The following DCUN1D1 variants were observed in gnomAD, a reference collection of about 807,000 sequenced individuals.
DCUN1D1 encodes the protein defective in cullin neddylation 1 domain containing 1.
DCUN1D1 carries 3 observed loss-of-function variants against 39.0 expected under a neutral mutation model. The ratio of observed to expected loss-of-function variants is 0.08; its 90% CI spans 0.04 to 0.20. The LOEUF (loss-of-function observed/expected upper bound fraction) is 0.20. Ranked by LOEUF, DCUN1D1 falls within the 10% of genes least tolerant of loss-of-function variation. The pLI, the probability that DCUN1D1 is intolerant of heterozygous loss-of-function variation, is 1.00. For synonymous variants in DCUN1D1, 82 were observed against 96.3 expected (o/e 0.85, Z 0.87); for missense variants, 158 against 302.4 (o/e 0.52, Z 3.54).
At chr3:182,982,553 T>C (rs1210525521), upstream of DCUN1D1, among the ~76,000 whole-genome samples, 16 of 152,196 alleles carry the variant, frequency 1.1e-4, no homozygotes, top group Admixed American at 1.0e-3. Context: ...CCTCATCCCC[T>C]TACTCCGCAT....
chr3:182,985,912 T>G (rs1728717821), exon 1 of DCUN1D1: 1 of 152,222 alleles, frequency 6.6e-6, no homozygotes, highest in African/African-American at 2.4e-5. Context: ...CAGTAACAGC[T>G]AGGAGTGGAG....
At chr3:182,971,137 T>G (rs1353355290) in intron 1 of DCUN1D1, among the ~76,000 whole-genome samples, 1 of 152,166 alleles carries the variant, frequency 6.6e-6, no homozygotes, top group African/African-American at 2.4e-5. Context: ...CTGTATGACT[T>G]TGGGAAAATT....
intron 4 of DCUN1D1, among the ~76,000 whole-genome samples, chr3:182,948,847 A>C (rs1013417217): frequency 6.6e-6 from 1 of 152,064 alleles, no homozygotes; most frequent in Non-Finnish European, 1.5e-5. Context: ...AAGGAGTTCA[A>C]GACCAGCCTG....
intron 4 of DCUN1D1, among the ~76,000 whole-genome samples, chr3:182,949,832 T>A (rs891824993): frequency 6.6e-6 from 1 of 152,200 alleles, no homozygotes; most frequent in African/African-American, 2.4e-5. Context: ...TGATGGAGAC[T>A]ACATATTCCT....
chr3:182,940,050 GCT>G lies in DCUN1D1; in HGVS notation c.*5042_*5043del, dbSNP rs1726068442. 1 of 152,100 alleles carries G rather than the reference GCT, an allele frequency of 6.6e-6. No individual in the cohort carries two copies. The highest frequency in any genetic ancestry group is 1.5e-5 in the Non-Finnish European group (1 of 68,004). 9.4% of individuals were successfully genotyped at this position (152,100 alleles called of 1,614,324 possible). Reference sequence around the variant, plus strand: ...CTCTAAATCTTACTGATTAAATATTGCTCTTTTAGCTATAAGTCATGTAATTA... The same window carrying G: ...CTCTAAATCTTACTGATTAAATATTGCTTTTAGCTATAAGTCATGTAATTA... On this transcript the variant is annotated 3_prime_UTR_variant, in exon 7 of 7. Transcript: ENST00000292782.
intron 1 of DCUN1D1, among the ~76,000 whole-genome samples, chr3:182,967,924 A>G (rs553928423): frequency 4.6e-5 from 7 of 152,358 alleles, no homozygotes; most frequent in Non-Finnish European, 8.8e-5. Context: ...GTGACAGAGT[A>G]CCCTAACATG....
In DCUN1D1 at chr3:182,960,622, C is replaced by T. The variant is rs369653321; in HGVS notation, c.520+604G>A. Reference sequence around the variant, plus strand: ...ACTTTTATTATTTTGTAATTACCTACTAGCACTATCTAATCTTTTTAGGTA... The same window carrying T: ...ACTTTTATTATTTTGTAATTACCTATTAGCACTATCTAATCTTTTTAGGTA... On this transcript the variant is annotated intron_variant, in intron 4 of 6. Transcript: ENST00000292782. 1.3e-4 allele frequency among the ~76,000 whole-genome samples: 20 copies of T among 152,286 alleles called. No individual in the cohort carries two copies. The South Asian group carries it at 3.9e-3, about 30-fold the overall frequency.
intron 3 of DCUN1D1, among the ~76,000 whole-genome samples, chr3:182,963,109 C>G (rs945198230): frequency 6.6e-6 from 1 of 152,086 alleles, no homozygotes; most frequent in Admixed American, 6.6e-5. Flanking sequence ...CTTGACTGGA[C>G]GCTGACTGAC....
At chr3:182,955,423 A>C (rs9862457) in intron 4 of DCUN1D1, 10,309 of 540,664 alleles carry the variant, frequency 0.019, 822 homozygotes, top group African/African-American at 0.17. Flanking sequence ...ATTTTGCGCA[A>C]ACTTCAAGTT....
rs115465627 is a variant in DCUN1D1 at position 182,949,365 on chromosome 3, A to G, written c.521-1733T>C. On this transcript the variant is annotated intron_variant, in intron 4 of 6. Coordinates refer to ENST00000292782, the MANE Select transcript of DCUN1D1 (RefSeq NM_020640.4). ...GCAACAGAACAAGACTCCGTCTCAG[A>G]AACAAACAAAAAAGAGCAAACTTGA... 9.2e-3 allele frequency among the ~76,000 whole-genome samples: 1,401 copies of G among 152,108 alleles called. 22 individuals are homozygous for G. Among genetic ancestry groups the G allele is most frequent in the African/African-American group, 0.032 (1,339 of 41,490 alleles).
At chr3:182,949,285 C>T (rs1726582444) in intron 4 of DCUN1D1, among the ~76,000 whole-genome samples, 1 of 152,070 alleles carries the variant, frequency 6.6e-6, no homozygotes, top group Non-Finnish European at 1.5e-5. Context: ...ATTTCTTGAA[C>T]CTGGGAGGTG....
chr3:182,966,247 G>A (rs557061114), intron 1 of DCUN1D1, among the ~76,000 whole-genome samples: 7 of 152,282 alleles, frequency 4.6e-5, no homozygotes, highest in South Asian at 2.1e-4. Context: ...AGGATATGGC[G>A]TGGGAAGAGG....
At chr3:182,976,177 A>T (rs1398946195) in intron 1 of DCUN1D1, among the ~76,000 whole-genome samples, 1 of 152,182 alleles carries the variant, frequency 6.6e-6, no homozygotes, top group Non-Finnish European at 1.5e-5. Flanking sequence ...TGTACATAGA[A>T]GCTGCATGGT....
chr3:182,945,675 G>T (rs1726360890), intron 6 of DCUN1D1, among the ~76,000 whole-genome samples: 1 of 152,262 alleles, frequency 6.6e-6, no homozygotes, highest in African/African-American at 2.4e-5. Flanking sequence ...CAGTGCTGAA[G>T]GCATAGGAGG....
At position 182,946,279 on chromosome 3, in the gene DCUN1D1, T is replaced by G. The variant is rs562933985; in HGVS notation, c.700+959A>C. Among the ~76,000 whole-genome samples, 11 of 152,098 alleles carry G rather than the reference T, an allele frequency of 7.2e-5. No individual in the cohort carries two copies. The East Asian group carries it at 2.1e-3, about 29-fold the overall frequency. Reference sequence around the variant, plus strand: ...AAGTAAGTTTCAAAAAAAAATAGGCTGGGCGCAGTGGCTCATGCCTGTAAT... The same window carrying G: ...AAGTAAGTTTCAAAAAAAAATAGGCGGGGCGCAGTGGCTCATGCCTGTAAT... On this transcript the variant is annotated intron_variant, in intron 6 of 6. Transcript: ENST00000292782.
intron 1 of DCUN1D1, among the ~76,000 whole-genome samples, chr3:182,975,766 C>T (rs982185120): frequency 2.1e-5 from 3 of 145,898 alleles, no homozygotes; most frequent in Non-Finnish European, 4.5e-5. Flanking sequence ...AAGTGTGGAA[C>T]CAGAGACCAG....
At chr3:182,975,851 T>TAAAAAA (rs533263687) in intron 1 of DCUN1D1, among the ~76,000 whole-genome samples, 3 of 66,812 alleles carry the variant, frequency 4.5e-5, no homozygotes, top group African/African-American at 1.8e-4. Flanking sequence ...CCAGATATGC[T>TAAAAAA]AAAAAAAAAA....
chr3:182,976,053 C>G (rs1560182923), intron 1 of DCUN1D1, among the ~76,000 whole-genome samples: 1 of 152,046 alleles, frequency 6.6e-6, no homozygotes, highest in East Asian at 1.9e-4. Context: ...ATTCAACAAT[C>G]TATCAAAGAG....
chr3:182,952,763 A>G (rs1726823159), intron 4 of DCUN1D1, among the ~76,000 whole-genome samples: 1 of 152,116 alleles, frequency 6.6e-6, no homozygotes, highest in South Asian at 2.1e-4. Context: ...CTCATCATAC[A>G]CAACCAACCA....
Sources: allele counts gnomAD v4.1 joint callset (sites outside exome capture counted in the v4.1 genomes callset), GRCh38; gene constraint gnomAD v4.1.1; transcripts MANE v1.5; gene names NCBI Gene and HGNC (gene_info 2026-07-23, HGNC 2026-07-21).